CEP72: variants seen among roughly 807,000 people sequenced by gnomAD.
CEP72 encodes the protein centrosomal protein of 72 kDa.
A neutral mutation model predicts 65.7 loss-of-function variants in CEP72; 78 were observed. The observed-to-expected ratio is 1.19, with a 90% CI of 0.99 to 1.43. The LOEUF (loss-of-function observed/expected upper bound fraction) is 1.43, where lower values mean the gene tolerates loss of function less well. CEP72 is among the 40% of genes most tolerant of loss of function. CEP72 has a pLI of 0.00. For synonymous variants in CEP72, 358 were observed against 351.7 expected (o/e 1.02, Z -0.20); for missense variants, 914 against 832.9 (o/e 1.10, Z -1.20).
chr5:645,748 C>G lies in CEP72; in HGVS notation c.1666+1323C>G, dbSNP rs1197804374. 2.6e-5 allele frequency among the ~76,000 whole-genome samples: 4 copies of G among 152,266 alleles called. No homozygotes were observed. Among genetic ancestry groups the G allele is most frequent in the African/African-American group, 9.6e-5 (4 of 41,468 alleles). On this transcript the variant is annotated intron_variant, in intron 10 of 11. Coordinates refer to ENST00000264935, the MANE Select transcript of CEP72 (RefSeq NM_018140.4). This position sits in a 1 kb window ranked among gnomAD's most constrained non-coding sequence, Gnocchi z 4.0. ...CTGGAACAACAGAGTAAATAATAGT[C>G]TAACTTGTCTTTGTTACTCGGTCTT...
chr5:665,465 T>G (rs1739857639), intron 3 of CEP72: 2 of 677,384 alleles, frequency 3.0e-6, no homozygotes, highest in Admixed American at 5.9e-5. Flanking sequence ...CTCCTGACCC[T>G]GGGGCAGCCT....
At chr5:671,843 A>G (rs1166570739), downstream of CEP72, among the ~76,000 whole-genome samples, 1 of 152,186 alleles carries the variant, frequency 6.6e-6, no homozygotes, top group Non-Finnish European at 1.5e-5. Context: ...TGGCACCCAC[A>G]GCAATGGAGG....
chr5:664,799 T>G (rs887626998), intron 2 of CEP72: 7 of 345,558 alleles, frequency 2.0e-5, no homozygotes, highest in Admixed American at 4.5e-5. Flanking sequence ...AACGCCCCTT[T>G]GACCTGCAAA....
chr5:626,497 C>G lies in CEP72; in HGVS notation c.512+1918C>G, dbSNP rs77633358. ...TATGATGTGATCTTGTGATTTTCTC[C>G]TTCAGCCTGTTGCTGTGAAGGATTT... On this transcript the variant is annotated intron_variant, in intron 4 of 11. Transcript: ENST00000264935. 3.3e-3 allele frequency among the ~76,000 whole-genome samples: 509 copies of G among 152,282 alleles called. 3 individuals are homozygous for G. The highest frequency in any genetic ancestry group is 0.012 in the African/African-American group (484 of 41,536).
At chr5:640,805 G>A (rs564940178) in intron 9 of CEP72, 2 of 985,450 alleles carry the variant, frequency 2.0e-6, no homozygotes, top group Admixed American at 1.2e-4. Context: ...GAGCACTTTG[G>A]AGACAGCAGT....
chr5:640,654 T>C, intron 9 of CEP72, 50 bp downstream of exon 9: 1 of 1,547,000 alleles, frequency 6.5e-7, no homozygotes, highest in South Asian at 1.2e-5. Flanking sequence ...GGGGGAAACA[T>C]GGCTCTGACT....
chr5:643,349 G>T (rs975359246), intron 9 of CEP72: 13 of 985,364 alleles, frequency 1.3e-5, no homozygotes, highest in South Asian at 4.7e-5. Context: ...GGTCATGCTG[G>T]TTGGCGCCAC....
rs993275512 is a variant in CEP72 at position 640,873 on chromosome 5, G to A, written c.1539+269G>A. 1.8e-5 allele frequency: 18 copies of A among 985,452 alleles called. No homozygotes were observed. The Admixed American group carries it at 4.3e-4, about 24-fold the overall frequency. The allele number at this position is 985,452 out of a possible 1,614,324, so 61.0% of individuals were successfully genotyped here. On this transcript the variant is annotated intron_variant, in intron 9 of 11. Transcript: ENST00000264935. ...GGACCCTCCACCACTGGGCAGTGCC[G>A]GGTGCTGCAGGAGCCAGGCCTGGAC...
At chr5:674,903 T>TG in the CEP72 span, among the ~76,000 whole-genome samples, 1 of 150,184 alleles carries the variant, frequency 6.7e-6, no homozygotes, top group African/African-American at 2.5e-5. Context: ...AAGCAAGGCC[T>TG]GTACTGCAGA....
intron 4 of CEP72, among the ~76,000 whole-genome samples, chr5:628,180 C>T (rs545701680): frequency 7.2e-5 from 11 of 152,358 alleles, no homozygotes; most frequent in African/African-American, 2.4e-4. Flanking sequence ...TGTGTCCCGG[C>T]GTGAAAGCTT....
chr5:667,436 G>A (rs1739966408), downstream of CEP72, among the ~76,000 whole-genome samples: 1 of 152,130 alleles, frequency 6.6e-6, no homozygotes, highest in Admixed American at 6.5e-5. Flanking sequence ...ATAGATGACG[G>A]TCCTAATTAT....
intron 6 of CEP72, among the ~76,000 whole-genome samples, chr5:636,068 C>T (rs977234229): frequency 2.0e-5 from 3 of 152,260 alleles, no homozygotes; most frequent in African/African-American, 7.2e-5. Context: ...GTTAGAGTGG[C>T]AATAAGTTTC....
intron 9 of CEP72, chr5:641,279 C>T: frequency 2.0e-6 from 2 of 985,430 alleles, no homozygotes; most frequent in Non-Finnish European, 2.4e-6. Context: ...ATCCTTAGCA[C>T]AGGGAGCTGG....
Position 623,710 on chromosome 5 carries a change from C to T in CEP72, c.404-761C>T, listed in dbSNP as rs771196490. Among the ~76,000 whole-genome samples, 2 of 151,920 alleles carry T rather than the reference C, an allele frequency of 1.3e-5. No individual in the cohort carries two copies. The highest frequency in any genetic ancestry group is 2.9e-5 in the Non-Finnish European group (2 of 68,004). On this transcript the variant is annotated intron_variant, in intron 3 of 11. Transcript: ENST00000264935. This position sits in a 1 kb window ranked among gnomAD's most constrained non-coding sequence, Gnocchi z 5.3. ...CTGGCGCACGTGTCTCCTGAGGGTG[C>T]CCTGTGTGCTGGGTGGAGAGTGCCC...
At chr5:622,421 G>A (rs1264753546) in intron 3 of CEP72, among the ~76,000 whole-genome samples, 1 of 152,176 alleles carries the variant, frequency 6.6e-6, no homozygotes, top group Admixed American at 6.5e-5. Flanking sequence ...CGGATGGGAG[G>A]GCAGCAACTG....
At chr5:612,642 C>G in intron 1 of CEP72, 199 bp downstream of exon 1, 1 of 984,552 alleles carries the variant, frequency 1.0e-6, no homozygotes, top group Non-Finnish European at 1.2e-6. Flanking sequence ...GGCCCCTGCC[C>G]GCGTTCGGGT....
In CEP72 at chr5:612,391, G is replaced by C. The variant is rs1579908796; in HGVS notation, c.30G>C (p.Leu10=). 2 of 1,490,808 alleles carry C rather than the reference G, an allele frequency of 1.3e-6. No individual in the cohort carries two copies. The allele number at this position is 1,490,808 out of a possible 1,614,324, so 92.3% of individuals were successfully genotyped here. Residue 10 remains leucine (L), a synonymous_variant, in exon 1 of 12, where the codon CTG becomes CTC. Transcript: ENST00000264935. MARAGPRLV[L]SEEAVRAKSG... ...CGCGGGCTGGCCCTCGGCTGGTGCT[G>C]AGCGAGGAGGCGGTTCGGGCGAAGA... is the stretch of plus-strand genomic sequence containing the variant.
intron 11 of CEP72, among the ~76,000 whole-genome samples, chr5:650,334 T>C (rs1212072666): frequency 1.8e-4 from 18 of 102,362 alleles, no homozygotes; most frequent in Middle Eastern, 6.5e-3. Context: ...GACTGTGAGG[T>C]GTGACTGTGA....
chr5:640,790 G>A, intron 9 of CEP72, 186 bp downstream of exon 9: 1 of 985,442 alleles, frequency 1.0e-6, no homozygotes, highest in Non-Finnish European at 1.2e-6. Context: ...CTCACAACAG[G>A]CCTGGAGCAC....
Sources: gnomAD v4.1 joint callset for allele counts (sites outside exome capture counted in the v4.1 genomes callset) on GRCh38, gnomAD v4.1.1 for gene constraint, Gnocchi (gnomAD v3.1) non-coding constraint, MANE v1.5 for transcripts, NCBI Gene and HGNC (gene_info 2026-07-23, HGNC 2026-07-21) for gene names.